PLCL1: variants seen among roughly 807,000 people sequenced by gnomAD.
PLCL1 encodes phospholipase C like 1 (inactive).
In PLCL1, 41 loss-of-function variants were observed where a neutral mutation model predicts 84.4. The ratio of observed to expected loss-of-function variants is 0.49; its 90% CI spans 0.38 to 0.63. PLCL1 has a LOEUF of 0.63. PLCL1 is among the 30% of genes least tolerant of loss of function. The pLI is 0.00. For synonymous variants in PLCL1, 490 were observed against 488.3 expected (o/e 1.00, Z -0.05); for missense variants, 1,206 against 1,367.8 (o/e 0.88, Z 1.87).
intron 1 of PLCL1, among the ~76,000 whole-genome samples, chr2:198,042,456 T>A (rs1330486059): frequency 6.6e-6 from 1 of 152,158 alleles, no homozygotes; most frequent in East Asian, 1.9e-4. Context: ...GTTTTAGCAA[T>A]ATGGGTCTTA....
At chr2:197,983,195 C>CTTTTTTTTTT in intron 1 of PLCL1, among the ~76,000 whole-genome samples, 1 of 51,696 alleles carries the variant, frequency 1.9e-5, no homozygotes, top group Non-Finnish European at 4.2e-5. Flanking sequence ...TTTTTCTTTT[C>CTTTTTTTTTT]TTTTCTTTTT....
chr2:197,867,200 CTTT>C (rs1435374829), intron 1 of PLCL1, among the ~76,000 whole-genome samples: 1 of 152,134 alleles, frequency 6.6e-6, no homozygotes, highest in African/African-American at 2.4e-5. Flanking sequence ...CCTTCTTTTA[CTTT>C]TGCATGTCCT....
intron 1 of PLCL1, among the ~76,000 whole-genome samples, chr2:197,884,662 C>T (rs576203643): frequency 6.6e-6 from 1 of 152,270 alleles, no homozygotes; most frequent in African/African-American, 2.4e-5. Flanking sequence ...GTTCATTCAC[C>T]AATCCTTTTT....
chr2:197,942,868 A>T (rs1468670084), intron 1 of PLCL1, among the ~76,000 whole-genome samples: 2 of 152,128 alleles, frequency 1.3e-5, no homozygotes, highest in African/African-American at 4.8e-5. Flanking sequence ...ACTTCTCCTG[A>T]TTTGGAAATT....
At chr2:198,064,577 G>T (rs1031216190) in intron 1 of PLCL1, among the ~76,000 whole-genome samples, 2 of 151,950 alleles carry the variant, frequency 1.3e-5, no homozygotes, top group Admixed American at 6.6e-5. Flanking sequence ...TTTTCATTTT[G>T]TTGAGGTCAA....
At chr2:197,847,413 T>C (rs1687140603) in intron 1 of PLCL1, among the ~76,000 whole-genome samples, 1 of 152,140 alleles carries the variant, frequency 6.6e-6, no homozygotes, top group Non-Finnish European at 1.5e-5. Flanking sequence ...TTTCATACAA[T>C]AGATGTTTTT....
At chr2:197,939,210 T>G (rs1297306908) in intron 1 of PLCL1, among the ~76,000 whole-genome samples, 1 of 152,178 alleles carries the variant, frequency 6.6e-6, no homozygotes, top group Non-Finnish European at 1.5e-5. Flanking sequence ...TATAAGCAAC[T>G]GCTGCTTTCC....
intron 5 of PLCL1, among the ~76,000 whole-genome samples, chr2:198,113,699 A>C (rs998442547): frequency 1.3e-5 from 2 of 151,852 alleles, no homozygotes; most frequent in East Asian, 1.9e-4. Context: ...ATAATGGTGA[A>C]AAGAAAACAC....
intron 1 of PLCL1, among the ~76,000 whole-genome samples, chr2:197,957,637 A>G (rs911451493): frequency 6.6e-6 from 1 of 152,034 alleles, no homozygotes; most frequent in African/African-American, 2.4e-5. Context: ...TCTCATCTAC[A>G]GGGAACAGCC....
intron 1 of PLCL1, among the ~76,000 whole-genome samples, chr2:198,054,045 G>A (rs1051035445): frequency 6.6e-6 from 1 of 152,156 alleles, no homozygotes; most frequent in Non-Finnish European, 1.5e-5. Context: ...GATAAAAATA[G>A]ACTTTACGTC....
intron 1 of PLCL1, among the ~76,000 whole-genome samples, chr2:197,928,928 T>A (rs1409276662): frequency 2.0e-5 from 3 of 152,182 alleles, no homozygotes; most frequent in Non-Finnish European, 4.4e-5. Flanking sequence ...AGTCATTGCC[T>A]TCTGTTTGGA....
intron 1 of PLCL1, among the ~76,000 whole-genome samples, chr2:197,831,703 T>G (rs180909539): frequency 6.6e-6 from 1 of 152,256 alleles, no homozygotes; most frequent in African/African-American, 2.4e-5. Context: ...CCACCCCAAA[T>G]CAACAGAATA....
chr2:197,924,136 G>GGGGAGAGGGAGA (rs78981355), intron 1 of PLCL1, among the ~76,000 whole-genome samples: 5,088 of 89,828 alleles, frequency 0.057, 293 homozygotes, highest in Middle Eastern at 0.096. Flanking sequence ...GGGAGACCGT[G>GGGGAGAGGGAGA]GGGAGAGGGA....
rs571105231 is a variant in PLCL1, at chr2:198,001,638, G to T, written c.241-82120G>T. The stretch of plus-strand genomic sequence containing the variant: ...TGATCCATTTTTTTTCTGTGTAGTT[G>T]TGGTTCATTCATTCTCATGGCTCTA... On this transcript the variant is annotated intron_variant, in intron 1 of 5. Coordinates refer to ENST00000428675, the MANE Select transcript of PLCL1 (RefSeq NM_006226.4). Among the ~76,000 whole-genome samples, 13 of 152,104 alleles carry T rather than the reference G, an allele frequency of 8.5e-5. No individual in the cohort carries two copies. In the East Asian group the frequency reaches 2.3e-3, roughly 27 times the overall value.
intron 1 of PLCL1, among the ~76,000 whole-genome samples, chr2:197,828,507 A>G (rs186360555): frequency 6.6e-6 from 1 of 152,102 alleles, no homozygotes; most frequent in East Asian, 1.9e-4. Flanking sequence ...TTATGCTTGG[A>G]TTATTATAAT....
intron 5 of PLCL1, among the ~76,000 whole-genome samples, chr2:198,136,145 A>G (rs1694250097): frequency 6.6e-6 from 1 of 152,082 alleles, no homozygotes; most frequent in African/African-American, 2.4e-5. Context: ...GTTTCCTCAC[A>G]TTTTTATGAG....
chr2:197,950,702 T>C (rs1009567824), intron 1 of PLCL1, among the ~76,000 whole-genome samples: 4 of 152,146 alleles, frequency 2.6e-5, no homozygotes, highest in Admixed American at 6.6e-5. Flanking sequence ...AAAAAATATA[T>C]TTTAATATTT....
chr2:198,128,997 T>C (rs900960335), intron 5 of PLCL1, among the ~76,000 whole-genome samples: 17 of 152,140 alleles, frequency 1.1e-4, no homozygotes, highest in Non-Finnish European at 2.4e-4. Context: ...AAAACAGAGA[T>C]CTTAAGACAC....
chr2:198,142,057 G>A (rs1255732242), intron 5 of PLCL1, among the ~76,000 whole-genome samples: 2 of 152,076 alleles, frequency 1.3e-5, no homozygotes, highest in Admixed American at 6.6e-5. Context: ...TGCGGTTCAT[G>A]GGAAAAGTGG....
Sources: allele counts gnomAD v4.1 joint callset (sites outside exome capture counted in the v4.1 genomes callset), GRCh38; gene constraint gnomAD v4.1.1; transcripts MANE v1.5; gene names NCBI Gene and HGNC (gene_info 2026-07-23, HGNC 2026-07-21).